DISP3: variants seen among roughly 807,000 people sequenced by gnomAD.
DISP3 encodes protein dispatched homolog 3.
In DISP3, 101 loss-of-function variants were observed where a neutral mutation model predicts 135.3. The observed-to-expected ratio is 0.75, with a 90% CI of 0.64 to 0.88. The LOEUF (loss-of-function observed/expected upper bound fraction) is 0.88. DISP3 is among the 40% of genes least tolerant of loss of function. DISP3 has a pLI of 0.00. For synonymous variants in DISP3, 856 were observed against 817.0 expected (o/e 1.05, Z -0.81); for missense variants, 1,713 against 1,878.6 (o/e 0.91, Z 1.63).
rs1372854383 is a variant in DISP3 at position 11,501,132 on chromosome 1, G to A, written c.140G>A (p.Arg47Gln). Reference sequence around the variant, plus strand: ...GGGGCAGGGGGACAGTGTTGCTGGCGGCACTGGCCCCTGGCTTCCCGACCC... The same window carrying A: ...GGGGCAGGGGGACAGTGTTGCTGGCAGCACTGGCCCCTGGCTTCCCGACCC... ...QPGAGGQCCW[R>Q]HWPLASRPPA... The change falls in exon 2 of 21, where the codon CGG becomes CAG. Residue 47 changes from arginine (R) to glutamine (Q), a missense_variant. Arg to Gln is a conservative substitution (Grantham distance 43). Coordinates refer to ENST00000294484, the MANE Select transcript of DISP3 (RefSeq NM_020780.2). The surrounding 1 kb of genome is among the most constrained non-coding windows in gnomAD (Gnocchi z 4.9). 1 of 1,613,774 alleles carries A rather than the reference G, an allele frequency of 6.2e-7. No homozygotes were observed. The highest frequency in any genetic ancestry group is 1.1e-5 in the South Asian group (1 of 91,046).
intron 13 of DISP3, among the ~76,000 whole-genome samples, chr1:11,527,547 C>CAA (rs35666879): frequency 2.9e-4 from 36 of 123,302 alleles, no homozygotes; most frequent in East Asian, 1.1e-3. Context: ...GACTCCATCT[C>CAA]AAAAAAAAAA....
In DISP3 at chr1:11,512,954, G is replaced by A. The variant is rs986212399; in HGVS notation, c.1317-1436G>A. Among the ~76,000 whole-genome samples, 10 of 152,198 alleles carry A rather than the reference G, an allele frequency of 6.6e-5. No homozygotes were observed. The East Asian group carries it at 1.2e-3, about 18-fold the overall frequency. ...ACCCCAGATAAACCCATCAGATCTCGTGAGACTTATTCACTATCATGAATA... is the reference window on the plus strand; with the variant it reads ...ACCCCAGATAAACCCATCAGATCTCATGAGACTTATTCACTATCATGAATA... On this transcript the variant is annotated intron_variant, in intron 3 of 20. Coordinates refer to ENST00000294484, the MANE Select transcript of DISP3 (RefSeq NM_020780.2).
intron 12 of DISP3, among the ~76,000 whole-genome samples, chr1:11,525,864 C>T (rs948341735): frequency 2.6e-4 from 40 of 152,160 alleles, no homozygotes; most frequent in Non-Finnish European, 4.9e-4. Context: ...GGCTGGAGTG[C>T]AGTGGCATGA....
In DISP3 at chr1:11,526,720, C is replaced by T. The variant is rs1338839440; in HGVS notation, c.2683C>T (p.Gln895Ter). Residue 895 changes from glutamine to a stop codon, truncating the protein, a stop_gained, in exon 13 of 21, where the codon CAG becomes TAG. Coordinates refer to ENST00000294484, the MANE Select transcript of DISP3 (RefSeq NM_020780.2). LOFTEE classifies it high-confidence loss of function. ...TTGTATGTCTACAGTAGGGCTGCTC[C>T]AGGCGGCGAGCCCCTCCCGCAAGTG... The part of the protein sequence containing the change: ...TACMSTVGLL[Q>*]AASPSRKWML... 6.2e-7 allele frequency: 1 copy of T among 1,614,072 alleles called. No homozygotes were observed. The highest frequency in any genetic ancestry group is 1.1e-5 in the South Asian group (1 of 91,078).
At position 11,525,289 on chromosome 1, in the gene DISP3, G is replaced by A. The variant is rs1642380952; in HGVS notation, c.2590G>A (p.Asp864Asn). The A allele has an allele frequency of 3.7e-6, 6 of 1,613,748 alleles. No homozygotes were observed. The highest frequency in any genetic ancestry group is 2.2e-5 in the East Asian group (1 of 44,878). ...PAPWQAVSPG[D>N]GEVPSFQVYR... ...TCCTTGGCAGGCTGTGTCGCCTGGG[G>A]ATGGAGAGGTGCCCTCCTTCCAGGT... is the stretch of plus-strand genomic sequence containing the variant. Residue 864 changes from aspartate (D) to asparagine (N), a missense_variant, in exon 12 of 21, where the codon GAT (aspartate) becomes AAT (asparagine). By Grantham distance (23) the Asp-to-Asn change is conservative. Around this residue, in one of 2 missense-constraint regions of DISP3, gnomAD observed 1,142 missense variants for 1,384.6 expected, o/e 0.82. Coordinates refer to ENST00000294484, the MANE Select transcript of DISP3 (RefSeq NM_020780.2).
At chr1:11,503,341 A>C (rs545948347) in intron 3 of DISP3, among the ~76,000 whole-genome samples, 1 of 152,348 alleles carries the variant, frequency 6.6e-6, no homozygotes, top group South Asian at 2.1e-4. Context: ...TATGAAGGCT[A>C]AGTCTCATGA....
rs1642702084 is a variant in DISP3, at chr1:11,536,203, C to G, written c.3817-121C>G. Reference sequence around the variant, plus strand: ...CCTCCCAACCCTGGGAGGCCACTTGCAGCTCTCATCCCAGTAACAGAGCAG... The same window carrying G: ...CCTCCCAACCCTGGGAGGCCACTTGGAGCTCTCATCCCAGTAACAGAGCAG... On this transcript the variant is annotated intron_variant, in intron 20 of 20. Coordinates refer to ENST00000294484, the MANE Select transcript of DISP3 (RefSeq NM_020780.2). The surrounding 1 kb of genome is among the most constrained non-coding windows in gnomAD (Gnocchi z 4.3). 3.6e-6 allele frequency: 5 copies of G among 1,402,922 alleles called. No homozygotes were observed. Among genetic ancestry groups the G allele is most frequent in the Admixed American group, 5.4e-5 (2 of 36,898 alleles). The allele number at this position is 1,402,922 out of a possible 1,614,324, so 86.9% of individuals were successfully genotyped here.
chr1:11,523,907 T>G, intron 10 of DISP3, 35 bp from the exon 11 acceptor site: 1 of 1,558,980 alleles, frequency 6.4e-7, no homozygotes, highest in Non-Finnish European at 8.8e-7. Flanking sequence ...GATGTCCTGC[T>G]GTCCTGCTGT....
At chr1:11,486,789 CCCGT>C (rs1356928539) in intron 1 of DISP3, among the ~76,000 whole-genome samples, 1 of 152,126 alleles carries the variant, frequency 6.6e-6, no homozygotes, top group Non-Finnish European at 1.5e-5. Flanking sequence ...GCAATCCTCC[CCCGT>C]CAGCCTCCTG....
At chr1:11,481,457 C>CA (rs1476854851) in intron 1 of DISP3, 1 of 152,210 alleles carries the variant, frequency 6.6e-6, no homozygotes, top group African/African-American at 2.4e-5. Context: ...ATCTGGTAGC[C>CA]ATGACCTGGC....
In DISP3 at chr1:11,519,242, T is replaced by G. The variant is rs1642098843; in HGVS notation, c.1890-113T>G. 1 of 1,289,408 alleles carries G rather than the reference T, an allele frequency of 7.8e-7. No individual in the cohort carries two copies. Among genetic ancestry groups the G allele is most frequent in the South Asian group, 1.4e-5 (1 of 70,996 alleles). The allele number at this position is 1,289,408 out of a possible 1,614,324, so 79.9% of individuals were successfully genotyped here. The stretch of plus-strand genomic sequence containing the variant: ...AAGTCTGGGGTGCTCATCCTGTGTG[T>G]GACGTCAGCAGCACTGTGATACCTG... On this transcript the variant is annotated intron_variant, in intron 7 of 20. Coordinates refer to ENST00000294484, the MANE Select transcript of DISP3 (RefSeq NM_020780.2). The surrounding 1 kb of genome is among the most constrained non-coding windows in gnomAD (Gnocchi z 4.3).
intron 1 of DISP3, among the ~76,000 whole-genome samples, chr1:11,493,745 GGA>G (rs1317922901): frequency 2.0e-5 from 3 of 151,876 alleles, no homozygotes; most frequent in African/African-American, 7.3e-5. Flanking sequence ...AATCTTATCT[GGA>G]AACACACTCT....
chr1:11,534,415 A>G lies in DISP3; in HGVS notation c.3410A>G (p.Tyr1137Cys). Residue 1137 changes from tyrosine (Y) to cysteine (C), a missense_variant, in exon 18 of 21, where the codon TAC becomes TGC. Around this residue, in one of 2 missense-constraint regions of DISP3, gnomAD observed 1,142 missense variants for 1,384.6 expected, o/e 0.82. Coordinates refer to ENST00000294484, the MANE Select transcript of DISP3 (RefSeq NM_020780.2). The stretch of plus-strand genomic sequence containing the variant: ...AAGGGCAAATCCTCCTTCCAGACCT[A>G]CTCGGACTACCTGCGCTGGGAGAGC... The part of the protein sequence containing the change: ...TYKGKSSFQT[Y>C]SDYLRWESFL... 6.2e-7 allele frequency: 1 copy of G among 1,614,090 alleles called. No homozygotes were observed. The highest frequency in any genetic ancestry group is 8.5e-7 in the Non-Finnish European group (1 of 1,180,018).
chr1:11,493,190 C>A (rs998144104), intron 1 of DISP3, among the ~76,000 whole-genome samples: 2 of 152,160 alleles, frequency 1.3e-5, no homozygotes, highest in African/African-American at 2.4e-5. Flanking sequence ...AGACTGAAGG[C>A]CTGAGAACCA....
chr1:11,532,399 G>A (rs1231865332), intron 17 of DISP3, among the ~76,000 whole-genome samples: 1 of 152,202 alleles, frequency 6.6e-6, no homozygotes, highest in East Asian at 1.9e-4. Context: ...GAGCCCCTCT[G>A]GCAGGTGTGG....
chr1:11,496,611 T>A (rs1163175469), intron 1 of DISP3, among the ~76,000 whole-genome samples: 2 of 152,204 alleles, frequency 1.3e-5, no homozygotes, highest in African/African-American at 4.8e-5. Flanking sequence ...TCCCATCATT[T>A]GAGGAAGGAA....
At chr1:11,505,581 C>T (rs1641676182) in intron 3 of DISP3, among the ~76,000 whole-genome samples, 1 of 152,164 alleles carries the variant, frequency 6.6e-6, no homozygotes, top group Non-Finnish European at 1.5e-5. Flanking sequence ...TTTGGATGAA[C>T]AAAATTCTTA....
rs374112927 is a variant in DISP3 at position 11,535,633 on chromosome 1, C to G, written c.3805C>G (p.His1269Asp). Residue 1269 changes from histidine (H) to aspartate (D), a missense_variant, in exon 20 of 21, where the codon CAC (histidine) becomes GAC (aspartate). Transcript: ENST00000294484. ...YLLAGENLPP[H>D]QAEDARTQRQ... ...GCTGGCTGGAGAGAACCTGCCCCCC[C>G]ACCAGGCCGAGGTGCGCACCCTGCC... 22 of 1,612,036 alleles carry G rather than the reference C, an allele frequency of 1.4e-5. No individual in the cohort carries two copies. The East Asian group carries it at 2.0e-4, about 15-fold the overall frequency.
Position 11,534,873 on chromosome 1 carries a change from G to A in DISP3, c.3536-138G>A, listed in dbSNP as rs115472255. The A allele has an allele frequency of 1.6e-3, 1,350 of 861,744 alleles. 7 individuals carry two copies. The African/African-American group carries it at 0.019, about 12-fold the overall frequency. The allele number at this position is 861,744 out of a possible 1,614,324, so 53.4% of individuals were successfully genotyped here. A position where few individuals can be genotyped will look rare whatever the true frequency, so the allele number is the denominator to read the frequency against. ...GTTCTCTTCAACTCCAAACAAGGCC[G>A]GTAGGGTAGGTCCTGTTATGACCCC... On this transcript the variant is annotated intron_variant, in intron 18 of 20. Coordinates refer to ENST00000294484, the MANE Select transcript of DISP3 (RefSeq NM_020780.2).
Sources: allele counts gnomAD v4.1 joint callset (sites outside exome capture counted in the v4.1 genomes callset), GRCh38; gene constraint gnomAD v4.1.1; regional missense constraint gnomAD v4.1.1; non-coding constraint Gnocchi (gnomAD v3.1); transcripts MANE v1.5; gene names NCBI Gene and HGNC (gene_info 2026-07-23, HGNC 2026-07-21).